LINGO2: variants seen among roughly 807,000 people sequenced by gnomAD.
LINGO2 encodes the protein leucine rich repeat and Ig domain containing 2, also known as leucine-rich repeat and immunoglobulin-like domain-containing nogo receptor-interacting protein 2.
A neutral mutation model predicts 30.6 loss-of-function variants in LINGO2; 14 were observed. The ratio of observed to expected loss-of-function variants is 0.46; its 90% CI spans 0.30 to 0.72. The LOEUF (loss-of-function observed/expected upper bound fraction) is 0.72, where lower values mean the gene tolerates loss of function less well. Among genes scored for constraint, LINGO2 ranks in the 30% least tolerant of loss-of-function variants. LINGO2 has a pLI of 0.07. For missense variants in LINGO2, 729 were observed against 751.7 expected (o/e 0.97, Z 0.35); for synonymous variants, 317 against 288.5 (o/e 1.10, Z -1.00).
the LINGO2 span, among the ~76,000 whole-genome samples, chr9:29,147,505 G>C: frequency 1.3e-5 from 2 of 152,018 alleles, no homozygotes; most frequent in Non-Finnish European, 2.9e-5. Context: ...CTCACAAAAA[G>C]CAATGAGCTT....
At chr9:29,041,437 A>G in the LINGO2 span, among the ~76,000 whole-genome samples, 1 of 152,076 alleles carries the variant, frequency 6.6e-6, no homozygotes, top group Non-Finnish European at 1.5e-5. Flanking sequence ...AAGGCCTGCT[A>G]CTGTATATAG....
intron 4 of LINGO2, among the ~76,000 whole-genome samples, chr9:28,101,118 G>T (rs1826403686): frequency 6.6e-6 from 1 of 151,918 alleles, no homozygotes; most frequent in Non-Finnish European, 1.5e-5. Flanking sequence ...AAGAAGTTAT[G>T]GGAGGCATTG....
At chr9:28,007,098 T>TTTA (rs1822305369) in intron 5 of LINGO2, among the ~76,000 whole-genome samples, 2 of 152,158 alleles carry the variant, frequency 1.3e-5, no homozygotes, top group African/African-American at 4.8e-5. Flanking sequence ...GTAACTCCTC[T>TTTA]TTAAAACAAA....
the LINGO2 span, among the ~76,000 whole-genome samples, chr9:28,830,377 A>G: frequency 6.6e-6 from 1 of 152,158 alleles, no homozygotes; most frequent in East Asian, 1.9e-4. Context: ...TTGATTGTCC[A>G]CAGATTGGGG....
At chr9:28,230,169 A>T (rs1334986960) in intron 4 of LINGO2, among the ~76,000 whole-genome samples, 1 of 151,888 alleles carries the variant, frequency 6.6e-6, no homozygotes. Flanking sequence ...AATTGTATTC[A>T]ACAAATTCAA....
At chr9:29,110,064 A>G in the LINGO2 span, among the ~76,000 whole-genome samples, 1 of 152,210 alleles carries the variant, frequency 6.6e-6, no homozygotes, top group Non-Finnish European at 1.5e-5. Context: ...GCCGTGATAA[A>G]ACAACAAGAA....
At chr9:28,898,833 T>C in the LINGO2 span, among the ~76,000 whole-genome samples, 2 of 152,044 alleles carry the variant, frequency 1.3e-5, no homozygotes, top group African/African-American at 2.4e-5. Context: ...AGGCTTAGTG[T>C]CTGGTAATAA....
the LINGO2 span, among the ~76,000 whole-genome samples, chr9:28,868,350 A>C: frequency 3.9e-5 from 6 of 152,076 alleles, no homozygotes; most frequent in African/African-American, 1.4e-4. Flanking sequence ...CCAGTTTATA[A>C]AGTGGACCTC....
In LINGO2 at chr9:28,219,034, T is replaced by C. The variant is rs1260403037; in HGVS notation, c.-87+76174A>G. On this transcript the variant is annotated intron_variant, in intron 4 of 5. Transcript: ENST00000379992. ...TCTAATCATTTAGTCCTTTAAATAA[T>C]AACACATGCAGGCAGTCACCCAGTT... Among the ~76,000 whole-genome samples the C allele has an allele frequency of 6.6e-5, 10 of 152,288 alleles. No individual in the cohort carries two copies. In the East Asian group the frequency reaches 1.5e-3, roughly 24 times the overall value.
intron 2 of LINGO2, among the ~76,000 whole-genome samples, chr9:28,468,414 C>T (rs1271652540): frequency 1.3e-5 from 2 of 152,140 alleles, no homozygotes; most frequent in Admixed American, 6.5e-5. Context: ...GGATCTTAGG[C>T]TAGAAACCAT....
intron 4 of LINGO2, among the ~76,000 whole-genome samples, chr9:28,046,216 A>T (rs1462453278): frequency 6.6e-6 from 1 of 152,206 alleles, no homozygotes; most frequent in Non-Finnish European, 1.5e-5. Context: ...TTGATATTGC[A>T]TTGAATGCTA....
At chr9:28,697,302 C>T in the LINGO2 span, among the ~76,000 whole-genome samples, 9 of 151,878 alleles carry the variant, frequency 5.9e-5, no homozygotes, top group East Asian at 3.9e-4. Context: ...GTCACAACAC[C>T]GTAGCATTTC....
intron 1 of LINGO2, among the ~76,000 whole-genome samples, chr9:28,594,807 A>C (rs1016940220): frequency 6.6e-5 from 10 of 152,050 alleles, no homozygotes; most frequent in Admixed American, 2.0e-4. Flanking sequence ...TATTTCAAAA[A>C]CTGTCCAAGA....
chr9:29,211,171 G>A, the LINGO2 span, among the ~76,000 whole-genome samples: 3 of 152,168 alleles, frequency 2.0e-5, no homozygotes, highest in Non-Finnish European at 2.9e-5. Flanking sequence ...ATTACTGAGT[G>A]TAAAATGACC....
chr9:28,487,704 C>A (rs972143289), intron 1 of LINGO2, among the ~76,000 whole-genome samples: 1 of 152,122 alleles, frequency 6.6e-6, no homozygotes, highest in Admixed American at 6.6e-5. Flanking sequence ...CACTGTGACA[C>A]CTTAGGCCTG....
the LINGO2 span, among the ~76,000 whole-genome samples, chr9:28,927,722 T>G: frequency 1.3e-5 from 2 of 152,244 alleles, no homozygotes; most frequent in Non-Finnish European, 2.9e-5. Context: ...AACACCTGCT[T>G]AATGCTTGCT....
chr9:28,750,525 A>G, the LINGO2 span, among the ~76,000 whole-genome samples: 1 of 152,086 alleles, frequency 6.6e-6, no homozygotes, highest in Non-Finnish European at 1.5e-5. Flanking sequence ...TCAGTCTGCA[A>G]ATCTTCAGAA....
chr9:29,128,217 C>T, the LINGO2 span, among the ~76,000 whole-genome samples: 3 of 152,104 alleles, frequency 2.0e-5, no homozygotes, highest in Non-Finnish European at 2.9e-5. Context: ...AGACACCAAA[C>T]GGGGACACCC....
the LINGO2 span, among the ~76,000 whole-genome samples, chr9:28,776,215 G>A: frequency 6.6e-5 from 10 of 152,180 alleles, no homozygotes; most frequent in Non-Finnish European, 1.5e-4. Context: ...ATGGTTGAAC[G>A]ACCACTTAAG....
Sources: gnomAD v4.1 joint callset for allele counts (sites outside exome capture counted in the v4.1 genomes callset) on GRCh38, gnomAD v4.1.1 for gene constraint, MANE v1.5 for transcripts, NCBI Gene and HGNC (gene_info 2026-07-23, HGNC 2026-07-21) for gene names.